Variants in ERGIC1 observed in about 807,000 individuals in gnomAD.
ERGIC1 encodes the protein endoplasmic reticulum-golgi intermediate compartment 1.
Under a neutral mutation model 38.3 loss-of-function variants are expected in ERGIC1, and 19 were observed. That is an observed-to-expected ratio of 0.50 (90% CI 0.35 to 0.73). ERGIC1 has a LOEUF of 0.73. ERGIC1 is among the 30% of genes least tolerant of loss of function. ERGIC1 has a pLI of 0.01. For missense variants in ERGIC1, 294 were observed against 389.2 expected (o/e 0.76, Z 2.06); for synonymous variants, 124 against 157.6 (o/e 0.79, Z 1.60).
intron 1 of ERGIC1, among the ~76,000 whole-genome samples, chr5:172,858,510 C>T (rs1466747043): frequency 6.6e-6 from 1 of 152,188 alleles, no homozygotes; most frequent in Non-Finnish European, 1.5e-5. Flanking sequence ...AGGAACAACT[C>T]ACAATTTGCA....
intron 1 of ERGIC1, among the ~76,000 whole-genome samples, chr5:172,840,704 G>A (rs543493712): frequency 2.0e-5 from 3 of 152,302 alleles, no homozygotes; most frequent in South Asian, 2.1e-4. Flanking sequence ...GTAAGGGGCC[G>A]TAACTTTCTA....
At chr5:172,939,037 T>G (rs1763948270) in intron 9 of ERGIC1, among the ~76,000 whole-genome samples, 1 of 151,780 alleles carries the variant, frequency 6.6e-6, no homozygotes, top group Non-Finnish European at 1.5e-5. Context: ...CACTCGGGTC[T>G]GGGCGATAGA....
chr5:172,920,433 C>G (rs1191867835), intron 5 of ERGIC1: 2 of 717,768 alleles, frequency 2.8e-6, no homozygotes, highest in Admixed American at 4.0e-5. Flanking sequence ...ACCAGAGACC[C>G]CACGGTGACC....
At chr5:172,945,850 A>G (rs1193354040) in intron 9 of ERGIC1, among the ~76,000 whole-genome samples, 1 of 152,004 alleles carries the variant, frequency 6.6e-6, no homozygotes, top group Non-Finnish European at 1.5e-5. Flanking sequence ...ATGCCCAGCT[A>G]ATTTTCGTAT....
At chr5:172,889,101 A>T (rs144571023) in intron 2 of ERGIC1, among the ~76,000 whole-genome samples, 31 of 152,276 alleles carry the variant, frequency 2.0e-4, no homozygotes, top group Non-Finnish European at 4.1e-4. Flanking sequence ...GCTGACCAAC[A>T]TGCTGAAACC....
At chr5:172,914,630 T>C (rs1259706218) in intron 4 of ERGIC1, 84 bp from the exon 5 acceptor site, 1 of 1,611,608 alleles carries the variant, frequency 6.2e-7, no homozygotes, top group Non-Finnish European at 8.5e-7. Flanking sequence ...AATGGATGAA[T>C]GAAGGCTCCC....
chr5:172,913,720 GA>G (rs1285051650), intron 4 of ERGIC1, among the ~76,000 whole-genome samples: 7 of 152,318 alleles, frequency 4.6e-5, no homozygotes, highest in African/African-American at 1.7e-4. Flanking sequence ...CATCTCTGGG[GA>G]TGCAGTTGGC....
At chr5:172,845,390 A>G (rs995077887) in intron 1 of ERGIC1, among the ~76,000 whole-genome samples, 1 of 152,124 alleles carries the variant, frequency 6.6e-6, no homozygotes. Context: ...GGCGTGCAGC[A>G]CTTCCTGTGG....
Position 172,894,076 on chromosome 5 carries a change from A to G in ERGIC1, c.83-2926A>G, listed in dbSNP as rs142876025. The stretch of plus-strand genomic sequence containing the variant: ...TTTTTTTTTATAATACGCATTGTTA[A>G]CTATTTTTTTCTTTAAAAAATTTTT... On this transcript the variant is annotated intron_variant, in intron 2 of 9. Coordinates refer to ENST00000393784, the MANE Select transcript of ERGIC1 (RefSeq NM_001031711.3). 8.3e-3 allele frequency among the ~76,000 whole-genome samples: 955 copies of G among 115,710 alleles called. 16 individuals carry two copies. The highest frequency in any genetic ancestry group is 0.031 in the African/African-American group (909 of 29,788). 75.9% of individuals were successfully genotyped at this position (115,710 alleles called of 152,430 possible).
At chr5:172,854,666 C>T (rs1029058362) in intron 1 of ERGIC1, among the ~76,000 whole-genome samples, 5 of 152,254 alleles carry the variant, frequency 3.3e-5, no homozygotes, top group African/African-American at 7.2e-5. Flanking sequence ...GGCCGGTTCC[C>T]GCCTTGTTCC....
At chr5:172,912,292 C>T (rs192341659) in intron 4 of ERGIC1, among the ~76,000 whole-genome samples, 1 of 152,270 alleles carries the variant, frequency 6.6e-6, no homozygotes, top group Admixed American at 6.5e-5. Flanking sequence ...TCATTCCAGG[C>T]TCTGCTGTTT....
chr5:172,929,690 G>A (rs928637350), intron 7 of ERGIC1, among the ~76,000 whole-genome samples: 1 of 152,194 alleles, frequency 6.6e-6, no homozygotes, highest in African/African-American at 2.4e-5. Flanking sequence ...CCAGCCATAG[G>A]GGGTTGACTG....
At chr5:172,931,761 G>GTGTC (rs1763779283) in intron 7 of ERGIC1, among the ~76,000 whole-genome samples, 1 of 151,786 alleles carries the variant, frequency 6.6e-6, no homozygotes, top group South Asian at 2.1e-4. Flanking sequence ...TGGATACAGA[G>GTGTC]TGTCTCCTCC....
At chr5:172,928,853 A>G (rs1170113958) in intron 7 of ERGIC1, among the ~76,000 whole-genome samples, 1 of 152,206 alleles carries the variant, frequency 6.6e-6, no homozygotes, top group African/African-American at 2.4e-5. Flanking sequence ...TAAAGTGGGA[A>G]GAATCCTCTC....
At chr5:172,895,562 C>T (rs1762701954) in intron 2 of ERGIC1, among the ~76,000 whole-genome samples, 1 of 152,080 alleles carries the variant, frequency 6.6e-6, no homozygotes, top group Non-Finnish European at 1.5e-5. Context: ...GAGTATTTGT[C>T]TTTCTGGATA....
Position 172,926,693 on chromosome 5 carries a change from T to G in ERGIC1, c.541+124T>G. 1 of 1,033,154 alleles carries G rather than the reference T, an allele frequency of 9.7e-7. No individual in the cohort carries two copies. The highest frequency in any genetic ancestry group is 1.5e-6 in the Non-Finnish European group (1 of 684,758). The allele number at this position is 1,033,154 out of a possible 1,614,324, so 64.0% of individuals were successfully genotyped here. On this transcript the variant is annotated intron_variant, in intron 7 of 9. Coordinates refer to ENST00000393784, the MANE Select transcript of ERGIC1 (RefSeq NM_001031711.3). This position sits in a 1 kb window ranked among gnomAD's most constrained non-coding sequence, Gnocchi z 5.2. ...CACTCCAAGGCAGGGAGGCTGCTGCTCACACTCCATTCCCACAGCTAACCA... is the reference window on the plus strand; with the variant it reads ...CACTCCAAGGCAGGGAGGCTGCTGCGCACACTCCATTCCCACAGCTAACCA...
At chr5:172,852,416 C>G (rs924324886) in intron 1 of ERGIC1, among the ~76,000 whole-genome samples, 1 of 151,908 alleles carries the variant, frequency 6.6e-6, no homozygotes, top group Non-Finnish European at 1.5e-5. Context: ...AGTGGGCTTC[C>G]TGCTGACAGT....
At chr5:172,835,985 T>C (rs118007273) in intron 1 of ERGIC1, among the ~76,000 whole-genome samples, 8 of 152,312 alleles carry the variant, frequency 5.3e-5, no homozygotes, top group East Asian at 3.9e-4. Flanking sequence ...AGGCCAACCA[T>C]AGGGATTCGT....
chr5:172,938,478 C>T (rs1030210492), intron 9 of ERGIC1, among the ~76,000 whole-genome samples: 1 of 152,210 alleles, frequency 6.6e-6, no homozygotes, highest in African/African-American at 2.4e-5. Flanking sequence ...AATGGCCGGG[C>T]ACGGTGGCTT....
Sources: allele counts gnomAD v4.1 joint callset (sites outside exome capture counted in the v4.1 genomes callset), GRCh38; gene constraint gnomAD v4.1.1; non-coding constraint Gnocchi (gnomAD v3.1); transcripts MANE v1.5; gene names NCBI Gene and HGNC (gene_info 2026-07-23, HGNC 2026-07-21).